The following VPS13B variants were observed in gnomAD, a reference collection of about 807,000 sequenced individuals.
VPS13B encodes the protein intermembrane lipid transfer protein VPS13B.
VPS13B carries 285 observed loss-of-function variants against 426.4 expected under a neutral mutation model. That is an observed-to-expected ratio of 0.67 (90% CI 0.61 to 0.74). The LOEUF is 0.74. VPS13B is among the 30% of genes least tolerant of loss of function. The probability of loss-of-function intolerance (pLI) is 0.00; values close to 1 mark genes in which losing one functional copy is unlikely to be tolerated. For synonymous variants in VPS13B, 1,676 were observed against 1,676.4 expected (o/e 1.00, Z 0.01); for missense variants, 4,537 against 4,782.6 (o/e 0.95, Z 1.51).
intron 3 of VPS13B, among the ~76,000 whole-genome samples, chr8:99,065,741 G>A (rs895232749): frequency 6.6e-6 from 1 of 152,194 alleles, no homozygotes; most frequent in African/African-American, 2.4e-5. Flanking sequence ...TGACATGATT[G>A]TATATTTAGA....
intron 52 of VPS13B, 130 bp downstream of exon 52, chr8:99,832,782 C>A (rs1167036613): frequency 2.2e-6 from 2 of 920,084 alleles, no homozygotes; most frequent in Admixed American, 2.3e-5. Flanking sequence ...TTAATTACTT[C>A]TAGACATTGT....
At chr8:99,234,132 C>A in intron 17 of VPS13B, 1 of 785,284 alleles carries the variant, frequency 1.3e-6, no homozygotes, top group East Asian at 2.4e-5. Context: ...CCACCCTGGG[C>A]TCGCTGAGGG....
At chr8:99,592,158 G>T (rs953987997) in intron 33 of VPS13B, among the ~76,000 whole-genome samples, 2 of 151,926 alleles carry the variant, frequency 1.3e-5, no homozygotes, top group African/African-American at 4.8e-5. Context: ...ATGGTTTTCA[G>T]CTCCATCAGG....
At position 99,551,662 on chromosome 8, in the gene VPS13B, G is replaced by A. The variant is rs564047426; in HGVS notation, c.4746-4788G>A. On this transcript the variant is annotated intron_variant, in intron 30 of 61. Transcript: ENST00000357162. Reference sequence around the variant, plus strand: ...CATGTGTACTTAACAGAAGTCTGAAGTTAATATCTTTTTCTTCTTCTTCAA... The same window carrying A: ...CATGTGTACTTAACAGAAGTCTGAAATTAATATCTTTTTCTTCTTCTTCAA... Among the ~76,000 whole-genome samples, 17 of 152,034 alleles carry A rather than the reference G, an allele frequency of 1.1e-4. No homozygotes were observed. In the East Asian group the frequency reaches 3.1e-3, roughly 28 times the overall value.
chr8:99,847,008 G>A (rs1037498924), intron 54 of VPS13B, among the ~76,000 whole-genome samples: 4 of 152,096 alleles, frequency 2.6e-5, no homozygotes, highest in Non-Finnish European at 4.4e-5. Flanking sequence ...AAAAGCAATT[G>A]ATTTACCTTA....
intron 25 of VPS13B, among the ~76,000 whole-genome samples, chr8:99,497,348 T>A (rs1052505632): frequency 3.9e-4 from 55 of 142,140 alleles, no homozygotes; most frequent in Admixed American, 2.5e-3. Context: ...AATACATATA[T>A]ACATAAAATA....
chr8:99,488,546 A>G (rs1300898723), intron 25 of VPS13B, among the ~76,000 whole-genome samples: 1 of 152,190 alleles, frequency 6.6e-6, no homozygotes, highest in Non-Finnish European at 1.5e-5. Context: ...ATAAGTGAGC[A>G]AAGATCTTTG....
intron 19 of VPS13B, among the ~76,000 whole-genome samples, chr8:99,311,480 C>G (rs201864578): frequency 6.6e-6 from 1 of 152,080 alleles, no homozygotes; most frequent in Admixed American, 6.6e-5. Context: ...TTGAGTGGTT[C>G]TGAGTGAGTT....
chr8:99,806,209 T>G (rs1315460909), intron 43 of VPS13B, among the ~76,000 whole-genome samples: 3 of 152,246 alleles, frequency 2.0e-5, no homozygotes, highest in Non-Finnish European at 4.4e-5. Context: ...CCAGCCACAA[T>G]CTAAATCTAT....
chr8:99,633,549 AT>A (rs1350805882), intron 33 of VPS13B, among the ~76,000 whole-genome samples: 2 of 152,174 alleles, frequency 1.3e-5, no homozygotes, highest in Admixed American at 6.6e-5. Context: ...CTCAGACACA[AT>A]TGTAAACCCT....
chr8:99,353,783 C>G (rs1395367747), intron 19 of VPS13B, among the ~76,000 whole-genome samples: 1 of 152,094 alleles, frequency 6.6e-6, no homozygotes, highest in Non-Finnish European at 1.5e-5. Context: ...CCAAAGAAGT[C>G]TTAGATTTCA....
rs1415007422 is a variant in VPS13B, at chr8:99,255,621, CA to C, written c.2516-18576del. Among the ~76,000 whole-genome samples the C allele has an allele frequency of 7.9e-5, 12 of 152,226 alleles. No individual in the cohort carries two copies. The East Asian group carries it at 1.7e-3, about 22-fold the overall frequency. ...CTTGGCCTGCATTGCTATTTAAGGC[CA>C]GGGGGGATTCTTGTTACTTCTGGCC... On this transcript the variant is annotated intron_variant, in intron 17 of 61. Transcript: ENST00000357162.
chr8:99,716,456 T>C (rs900601003), intron 36 of VPS13B, among the ~76,000 whole-genome samples: 10 of 152,120 alleles, frequency 6.6e-5, no homozygotes, highest in African/African-American at 2.4e-4. Context: ...CTCTTAACTT[T>C]GCATCTAAAT....
At chr8:99,262,544 C>T (rs1588185520) in intron 17 of VPS13B, among the ~76,000 whole-genome samples, 1 of 152,106 alleles carries the variant, frequency 6.6e-6, no homozygotes, top group East Asian at 1.9e-4. Flanking sequence ...TAAATCTTCC[C>T]CTCATTTCAC....
chr8:99,256,838 C>A (rs1056222726), intron 17 of VPS13B, among the ~76,000 whole-genome samples: 2 of 152,006 alleles, frequency 1.3e-5, no homozygotes, highest in African/African-American at 4.8e-5. Flanking sequence ...TTGTTTCCCT[C>A]CATTTTCATA....
chr8:99,666,363 A>G (rs1301090353), intron 35 of VPS13B, among the ~76,000 whole-genome samples: 5 of 152,170 alleles, frequency 3.3e-5, no homozygotes, highest in Admixed American at 6.5e-5. Context: ...CAAAAGAGAG[A>G]ATTTTACACC....
At chr8:99,479,852 C>T (rs1238349424) in intron 24 of VPS13B, among the ~76,000 whole-genome samples, 2 of 152,130 alleles carry the variant, frequency 1.3e-5, no homozygotes, top group African/African-American at 2.4e-5. Context: ...AATAATGCTG[C>T]CATGAACATT....
chr8:99,047,922 A>G (rs897432619), intron 3 of VPS13B, among the ~76,000 whole-genome samples: 4 of 152,194 alleles, frequency 2.6e-5, no homozygotes, highest in South Asian at 2.1e-4. Flanking sequence ...TCCTGACCTC[A>G]GTGTATCCAC....
At chr8:99,726,437 G>A (rs1833353093) in intron 39 of VPS13B, among the ~76,000 whole-genome samples, 1 of 152,150 alleles carries the variant, frequency 6.6e-6, no homozygotes, top group African/African-American at 2.4e-5. Flanking sequence ...TGTGTGCACT[G>A]CCTATTGAGG....
Sources: allele counts gnomAD v4.1 joint callset (sites outside exome capture counted in the v4.1 genomes callset), GRCh38; gene constraint gnomAD v4.1.1; transcripts MANE v1.5; gene names NCBI Gene and HGNC (gene_info 2026-07-23, HGNC 2026-07-21).